Variants in BPTF observed in about 807,000 individuals in gnomAD.
BPTF encodes the protein nucleosome-remodeling factor subunit BPTF.
A neutral mutation model predicts 292.5 loss-of-function variants in BPTF; 18 were observed. The observed-to-expected ratio is 0.06, with a 90% CI of 0.04 to 0.09. The LOEUF is 0.09. Ranked by LOEUF, BPTF falls within the 10% of genes least tolerant of loss-of-function variation. The probability of loss-of-function intolerance (pLI) is 1.00; values close to 1 mark genes in which losing one functional copy is unlikely to be tolerated. For missense variants in BPTF, 2,726 were observed against 3,498.7 expected, an observed-to-expected ratio of 0.78 and a Z score of 5.57; for synonymous variants, 1,225 against 1,251.9, an observed-to-expected ratio of 0.98 and a Z score of 0.45.
chr17:67,954,357 A>G (rs1555680002), intron 23 of BPTF, among the ~76,000 whole-genome samples: 1 of 151,580 alleles, frequency 6.6e-6, no homozygotes, highest in Non-Finnish European at 1.5e-5. Context: ...TTCATATTAC[A>G]TGTTTTCCTT....
At chr17:67,849,476 T>C (rs1017847829) in intron 1 of BPTF, among the ~76,000 whole-genome samples, 5 of 152,214 alleles carry the variant, frequency 3.3e-5, no homozygotes, top group Admixed American at 1.3e-4. Context: ...TCCAGTATTT[T>C]CATGACATTC....
intron 4 of BPTF, among the ~76,000 whole-genome samples, chr17:67,887,585 C>T (rs2146134330): frequency 6.6e-6 from 1 of 152,216 alleles, no homozygotes; most frequent in Admixed American, 6.5e-5. Flanking sequence ...TAATAATTTT[C>T]ATTTGATATG....
intron 18 of BPTF, among the ~76,000 whole-genome samples, chr17:67,934,965 G>A (rs2064790596): frequency 6.7e-6 from 1 of 149,764 alleles, no homozygotes; most frequent in African/African-American, 2.5e-5. Flanking sequence ...TTCTCAAATA[G>A]CAGCCTTAAG....
chr17:67,896,704 A>G (rs980929329), intron 7 of BPTF, among the ~76,000 whole-genome samples: 4 of 152,232 alleles, frequency 2.6e-5, no homozygotes, highest in Non-Finnish European at 5.9e-5. Flanking sequence ...TTCTAAATAA[A>G]TAAATACTCA....
chr17:67,863,187 G>C (rs535869448), intron 2 of BPTF, among the ~76,000 whole-genome samples: 6 of 152,178 alleles, frequency 3.9e-5, no homozygotes, highest in Admixed American at 3.9e-4. Flanking sequence ...AAGAGAATCT[G>C]TTCCATGCCT....
At chr17:67,943,929 C>T (rs538691444) in intron 19 of BPTF, among the ~76,000 whole-genome samples, 2 of 152,172 alleles carry the variant, frequency 1.3e-5, no homozygotes, top group Non-Finnish European at 2.9e-5. Context: ...AACTGGCTGA[C>T]CATTGGGGGA....
intron 16 of BPTF, 113 bp downstream of exon 16, chr17:67,928,714 A>G (rs572153561): frequency 2.3e-6 from 3 of 1,310,682 alleles, no homozygotes; most frequent in East Asian, 5.0e-5. Context: ...TTTTGCAGCC[A>G]GTTGAGCAAA....
chr17:67,826,056 T>C lies in BPTF; in HGVS notation c.332T>C (p.Leu111Pro), dbSNP rs1598051235. The change falls in exon 1 of 28, where the codon CTG becomes CCG. Residue 111 changes from leucine to proline, a missense_variant. This residue lies in a region of BPTF where 153 missense variants were observed against 178.3 expected (regional missense o/e 0.86). Transcript: ENST00000306378. ...GGGGGCGGGGGCGGCGGCGGCCACCTGGCCCGGACCACCGCGGCCCGGAGG... is the reference window on the plus strand; with the variant it reads ...GGGGGCGGGGGCGGCGGCGGCCACCCGGCCCGGACCACCGCGGCCCGGAGG... ...RTGGGGGGGH[L>P]ARTTAARRAV... The C allele has an allele frequency of 8.3e-7, 1 of 1,205,862 alleles. No individual in the cohort carries two copies. The highest frequency in any genetic ancestry group is 3.1e-5 in the East Asian group (1 of 31,756). The allele number at this position is 1,205,862 out of a possible 1,614,324, so 74.7% of individuals were successfully genotyped here.
At chr17:67,917,131 C>CTTTTCCTTTCTTTTTTTTTTTTTTTT (rs1194058584) in intron 11 of BPTF, among the ~76,000 whole-genome samples, 2 of 105,806 alleles carry the variant, frequency 1.9e-5, no homozygotes, top group African/African-American at 7.2e-5. Flanking sequence ...TGGTATTGTC[C>CTTTTCCTTTCTTTTTTTTTTTTTTTT]TTTTTTTTTT....
chr17:67,843,413 T>C (rs984012479), intron 1 of BPTF, among the ~76,000 whole-genome samples: 1 of 150,540 alleles, frequency 6.6e-6, no homozygotes, highest in Non-Finnish European at 1.5e-5. Context: ...ACCATTTTGG[T>C]CACACTGGTC....
rs558471102 is a variant in BPTF, at chr17:67,900,853, A to G, written c.2544-2936A>G. Among the ~76,000 whole-genome samples, 12 of 152,012 alleles carry G rather than the reference A, an allele frequency of 7.9e-5. No homozygotes were observed. In the South Asian group the frequency reaches 2.5e-3, roughly 32 times the overall value. On this transcript the variant is annotated intron_variant, in intron 7 of 27. Coordinates refer to ENST00000306378, the MANE Select transcript of BPTF (RefSeq NM_182641.4). ...AGCAAGACTCTGTCTCTACAAAAAA[A>G]TTAAAATTGGCCAGGCATGGTCTTG...
At chr17:67,950,064 A>AC (rs1264317307) in intron 23 of BPTF, among the ~76,000 whole-genome samples, 3 of 150,972 alleles carry the variant, frequency 2.0e-5, no homozygotes, top group South Asian at 2.1e-4. Flanking sequence ...AAAAAAAAAA[A>AC]AAAAAAAACA....
At chr17:67,965,599 G>A (rs1207440295) in intron 25 of BPTF, 12 of 150,222 alleles carry the variant, frequency 8.0e-5, no homozygotes, top group African/African-American at 2.9e-4. Context: ...CTACTAAGGA[G>A]GCTGAGGCAG....
chr17:67,970,236 CA>C (rs539425143), intron 26 of BPTF, among the ~76,000 whole-genome samples: 239 of 128,410 alleles, frequency 1.9e-3, no homozygotes, highest in Middle Eastern at 4.3e-3. Context: ...AACTCCATCT[CA>C]AAAAAAAAAA....
chr17:67,832,189 C>A (rs1255986524), intron 1 of BPTF, among the ~76,000 whole-genome samples: 1 of 151,158 alleles, frequency 6.6e-6, no homozygotes, highest in Non-Finnish European at 1.5e-5. Context: ...TACCCGGCCT[C>A]TAATTTTTTT....
chr17:67,940,013 A>G (rs868955402), intron 18 of BPTF, among the ~76,000 whole-genome samples: 5 of 151,930 alleles, frequency 3.3e-5, no homozygotes, highest in African/African-American at 4.9e-5. Context: ...TTGGCCCAGA[A>G]TATTCCAGAT....
intron 27 of BPTF, chr17:67,981,812 TTCTTTTGTTTTA>T: frequency 1.2e-6 from 1 of 861,488 alleles, no homozygotes; most frequent in Non-Finnish European, 1.4e-6. Context: ...AGATTGCTTT[TTCTTTTGTTTTA>T]GCGTAATTTT....
chr17:67,906,638 T>A (rs1438739387), intron 9 of BPTF, among the ~76,000 whole-genome samples: 1 of 152,210 alleles, frequency 6.6e-6, no homozygotes, highest in Admixed American at 6.5e-5. Context: ...TTGACAGGAT[T>A]ACGGTTTCTT....
chr17:67,853,793 T>G (rs2058549074), intron 1 of BPTF, 147 bp from the exon 2 acceptor site: 2 of 641,224 alleles, frequency 3.1e-6, no homozygotes, highest in Admixed American at 3.1e-5. Context: ...AAATTAGAGC[T>G]GAATCATTGC....
Sources: gnomAD v4.1 joint callset for allele counts (sites outside exome capture counted in the v4.1 genomes callset) on GRCh38, gnomAD v4.1.1 for gene constraint, gnomAD v4.1.1 regional missense constraint, MANE v1.5 for transcripts, NCBI Gene and HGNC (gene_info 2026-07-23, HGNC 2026-07-21) for gene names.